MSR1: variants seen among roughly 807,000 people sequenced by gnomAD.
The protein encoded by MSR1 is macrophage scavenger receptor types I and II.
In MSR1, 53 loss-of-function variants were observed where a neutral mutation model predicts 47.2. That is an observed-to-expected ratio of 1.12 (90% CI 0.90 to 1.41). MSR1 has a LOEUF of 1.41. Ranked by LOEUF, MSR1 falls within the 40% of genes most tolerant of loss-of-function variation. The probability of loss-of-function intolerance (pLI) is 0.00; values close to 1 mark genes in which losing one functional copy is unlikely to be tolerated. For synonymous variants in MSR1, 239 were observed against 185.6 expected, an observed-to-expected ratio of 1.29 and a Z score of -2.34; for missense variants, 786 against 546.9, an observed-to-expected ratio of 1.44 and a Z score of -4.36.
intron 7 of MSR1, 60 bp downstream of exon 7, chr8:16,150,168 ATAT>A (rs1800813809): frequency 4.0e-5 from 12 of 300,558 alleles, no homozygotes; most frequent in South Asian, 5.9e-5. Context: ...ATATATATAT[ATAT>A]AAAATTATCT....
intron 7 of MSR1, 112 bp from the exon 8 acceptor site, chr8:16,143,723 T>C (rs1209370280): frequency 8.0e-6 from 6 of 750,632 alleles, no homozygotes; most frequent in South Asian, 4.5e-5. Context: ...TGGACAGATA[T>C]TGAAATGTAT....
At chr8:16,176,499 C>A (rs1585190277) in intron 2 of MSR1, among the ~76,000 whole-genome samples, 1 of 145,962 alleles carries the variant, frequency 6.9e-6, no homozygotes, top group Non-Finnish European at 1.5e-5. Flanking sequence ...AAAGTGAGAC[C>A]CTGTCTCAAA....
At chr8:16,140,739 G>C in intron 8 of MSR1, 1 of 1,417,322 alleles carries the variant, frequency 7.1e-7, no homozygotes. Context: ...CATGAGAGGT[G>C]TCCAGGCTGG....
At chr8:16,191,000 C>T (rs182082347) in intron 1 of MSR1, among the ~76,000 whole-genome samples, 1 of 152,124 alleles carries the variant, frequency 6.6e-6, no homozygotes, top group Non-Finnish European at 1.5e-5. Flanking sequence ...GGATTACAGG[C>T]GTGAGCCACC....
rs752948497 is a variant in MSR1, at chr8:16,120,507, C to T, written c.1133G>A (p.Arg378His). The change falls in exon 9 of 10, where the codon CGC becomes CAC. Residue 378 changes from arginine to histidine, a missense_variant. Transcript: ENST00000262101. ...GACCTGTCCAACGCGCACTTCCCAG[C>T]GATCGTCACAAATTGTACCCCACTG... ...SGQWGTICDDRWEVRVGQVVC... is the reference protein window; with the variant it reads ...SGQWGTICDDHWEVRVGQVVC... 1.5e-5 allele frequency: 24 copies of T among 1,613,718 alleles called. No homozygotes were observed. The highest frequency in any genetic ancestry group is 2.0e-5 in the Non-Finnish European group (24 of 1,179,882).
intron 5 of MSR1, among the ~76,000 whole-genome samples, 170 bp downstream of exon 5, chr8:16,163,895 G>C (rs1209017843): frequency 6.6e-6 from 1 of 151,846 alleles, no homozygotes; most frequent in East Asian, 1.9e-4. Flanking sequence ...ACTGGTTATC[G>C]TACCCTGTCT....
intron 1 of MSR1, among the ~76,000 whole-genome samples, chr8:16,182,825 G>A (rs536996844): frequency 6.6e-6 from 1 of 152,088 alleles, no homozygotes; most frequent in East Asian, 1.9e-4. Flanking sequence ...ATAAATAGGA[G>A]GAGTACACAC....
chr8:16,184,643 T>C (rs1801941469), intron 1 of MSR1, among the ~76,000 whole-genome samples: 1 of 152,154 alleles, frequency 6.6e-6, no homozygotes, highest in African/African-American at 2.4e-5. Flanking sequence ...TCTATACAAA[T>C]GAAGTAAAAA....
chr8:16,141,122 T>C lies in MSR1; in HGVS notation c.1033+2436A>G. 4 of 1,512,826 alleles carry C rather than the reference T, an allele frequency of 2.6e-6. No individual in the cohort carries two copies. In the South Asian group the frequency reaches 3.4e-5, roughly 13 times the overall value. The allele number at this position is 1,512,826 out of a possible 1,614,324, so 93.7% of individuals were successfully genotyped here. A position where few individuals can be genotyped will look rare whatever the true frequency, so the allele number is the denominator to read the frequency against. On this transcript the variant is annotated intron_variant, in intron 8 of 9. Coordinates refer to ENST00000262101, the MANE Select transcript of MSR1 (RefSeq NM_138715.3). Reference sequence around the variant, plus strand: ...AGCCTTACAAAATTTTAAAGATGCATATGAAAACATTCAATATAAATTTTC... The same window carrying C: ...AGCCTTACAAAATTTTAAAGATGCACATGAAAACATTCAATATAAATTTTC...
At chr8:16,156,112 A>G (rs1322836269) in intron 5 of MSR1, among the ~76,000 whole-genome samples, 2 of 151,974 alleles carry the variant, frequency 1.3e-5, no homozygotes, top group Non-Finnish European at 1.5e-5. Context: ...CTTTATCTAA[A>G]GAAGAGCACT....
At chr8:16,126,826 G>T (rs1040309138) in intron 8 of MSR1, among the ~76,000 whole-genome samples, 2 of 151,950 alleles carry the variant, frequency 1.3e-5, no homozygotes, top group African/African-American at 4.8e-5. Context: ...CAAAGTACTG[G>T]GATTACAGAC....
intron 3 of MSR1, among the ~76,000 whole-genome samples, 176 bp from the exon 4 acceptor site, chr8:16,169,046 T>C (rs1447777872): frequency 6.6e-6 from 1 of 152,210 alleles, no homozygotes; most frequent in Non-Finnish European, 1.5e-5. Flanking sequence ...GCTACGTATA[T>C]TGCTGAGAAG....
intron 3 of MSR1, among the ~76,000 whole-genome samples, chr8:16,174,577 A>G (rs982926610): frequency 3.3e-5 from 5 of 152,114 alleles, no homozygotes; most frequent in African/African-American, 1.2e-4. Flanking sequence ...ATCACGTTGT[A>G]TATTTTTTCT....
chr8:16,139,229 T>C, intron 8 of MSR1: 1 of 977,632 alleles, frequency 1.0e-6, no homozygotes, highest in Non-Finnish European at 1.2e-6. Context: ...TTGCTTTCAC[T>C]CCTATTCTGA....
At chr8:16,153,396 A>G (rs1315932610) in intron 6 of MSR1, among the ~76,000 whole-genome samples, 1 of 152,030 alleles carries the variant, frequency 6.6e-6, no homozygotes, top group East Asian at 1.9e-4. Flanking sequence ...ACAAAATGGT[A>G]ACCTGATAAC....
chr8:16,154,945 C>G (rs564640790), intron 6 of MSR1, 119 bp downstream of exon 6: 1 of 836,774 alleles, frequency 1.2e-6, no homozygotes, highest in African/African-American at 1.7e-5. Context: ...TACACACACA[C>G]ACACACATAC....
chr8:16,164,007 T>G, intron 5 of MSR1, 58 bp downstream of exon 5: 2 of 1,304,026 alleles, frequency 1.5e-6, no homozygotes, highest in Non-Finnish European at 2.1e-6. Flanking sequence ...AATCTCTGCA[T>G]GTATCAGTAT....
intron 1 of MSR1, among the ~76,000 whole-genome samples, chr8:16,187,658 A>C (rs1311845132): frequency 1.3e-5 from 2 of 152,150 alleles, no homozygotes; most frequent in African/African-American, 4.8e-5. Context: ...AAATTACATA[A>C]ATAAATGAAA....
At chr8:16,115,375 C>A (rs1312368806) in intron 9 of MSR1, among the ~76,000 whole-genome samples, 11 of 151,900 alleles carry the variant, frequency 7.2e-5, no homozygotes, top group Admixed American at 7.2e-4. Flanking sequence ...ATTGCTTTTT[C>A]TTTTCCTCTT....
Sources: gnomAD v4.1 joint callset for allele counts (sites outside exome capture counted in the v4.1 genomes callset) on GRCh38, gnomAD v4.1.1 for gene constraint, MANE v1.5 for transcripts, NCBI Gene and HGNC (gene_info 2026-07-23, HGNC 2026-07-21) for gene names.